TYW1: variants seen among roughly 807,000 people sequenced by gnomAD.
TYW1 encodes the protein tRNA-yW synthesizing protein 1 homolog, also known as S-adenosyl-L-methionine-dependent tRNA 4-demethylwyosine synthase TYW1.
TYW1 carries 46 observed loss-of-function variants against 96.2 expected under a neutral mutation model. That is an observed-to-expected ratio of 0.48 (90% CI 0.38 to 0.61). The LOEUF (loss-of-function observed/expected upper bound fraction) is 0.61. Ranked by LOEUF, TYW1 falls within the 20% of genes least tolerant of loss-of-function variation. The pLI is 0.00. For missense variants in TYW1, 684 were observed against 909.6 expected (o/e 0.75, Z 3.19); for synonymous variants, 274 against 323.0 (o/e 0.85, Z 1.63).
At chr7:67,002,037 CAA>C (rs71526592) in intron 3 of TYW1, among the ~76,000 whole-genome samples, 6 of 131,110 alleles carry the variant, frequency 4.6e-5, no homozygotes, top group Admixed American at 1.6e-4. Context: ...CTGTCTCAAA[CAA>C]AAAAAAAAAA....
intron 8 of TYW1, among the ~76,000 whole-genome samples, chr7:67,055,383 G>A (rs527301802): frequency 2.0e-5 from 3 of 152,142 alleles, no homozygotes; most frequent in Admixed American, 6.5e-5. Context: ...GATCACTTGA[G>A]GACAGGAGTT....
At chr7:67,114,085 A>G (rs1717669563) in intron 12 of TYW1, among the ~76,000 whole-genome samples, 1 of 152,252 alleles carries the variant, frequency 6.6e-6, no homozygotes, top group Non-Finnish European at 1.5e-5. Flanking sequence ...TAAAGCACAC[A>G]GCAGAGTGTG....
chr7:67,139,934 G>C (rs1429033474), intron 13 of TYW1, among the ~76,000 whole-genome samples: 2 of 152,090 alleles, frequency 1.3e-5, no homozygotes, highest in Admixed American at 1.3e-4. Context: ...TCATGCTGCT[G>C]ATAAAGACAC....
chr7:67,077,923 A>G lies in TYW1; in HGVS notation c.1275-5507A>G, dbSNP rs1421273671. The stretch of plus-strand genomic sequence containing the variant: ...ATCTGTCTTGAGTTGATTTTTGTAT[A>G]TTGTCTTTCCCCACTGCATGACCTT... On this transcript the variant is annotated intron_variant, in intron 10 of 15. Coordinates refer to ENST00000359626, the MANE Select transcript of TYW1 (RefSeq NM_018264.4). Among the ~76,000 whole-genome samples, 6 of 151,926 alleles carry G rather than the reference A, an allele frequency of 3.9e-5. No homozygotes were observed. The South Asian group carries it at 1.0e-3, about 26-fold the overall frequency.
chr7:67,107,729 C>G (rs1341764516), intron 12 of TYW1, among the ~76,000 whole-genome samples: 1 of 143,072 alleles, frequency 7.0e-6, no homozygotes, highest in East Asian at 2.0e-4. Flanking sequence ...ATAAGATTGA[C>G]TTTTTTTTTT....
At chr7:67,059,157 T>C (rs1427446940) in intron 9 of TYW1, among the ~76,000 whole-genome samples, 2 of 148,852 alleles carry the variant, frequency 1.3e-5, no homozygotes, top group Non-Finnish European at 3.0e-5. Flanking sequence ...TGGAGTGCAG[T>C]GGTGTGATCT....
intron 15 of TYW1, among the ~76,000 whole-genome samples, chr7:67,217,594 C>A (rs928955773): frequency 2.0e-5 from 3 of 152,108 alleles, no homozygotes; most frequent in African/African-American, 4.8e-5. Context: ...GCTCTCTATT[C>A]CATTGTTCTA....
Position 67,153,925 on chromosome 7 carries a change from CTTTTTTTTT to C in TYW1, c.1699-29189_1699-29181del, listed in dbSNP as rs34003922. Among the ~76,000 whole-genome samples, 4 of 130,314 alleles carry C rather than the reference CTTTTTTTTT, an allele frequency of 3.1e-5. No individual in the cohort carries two copies. The South Asian group carries it at 9.5e-4, about 31-fold the overall frequency. The allele number at this position is 130,314 out of a possible 152,430, so 85.5% of individuals were successfully genotyped here. A position where few individuals can be genotyped will look rare whatever the true frequency, so the allele number is the denominator to read the frequency against. ...ATATGTCATTCATTTTAACGACTTT[CTTTTTTTTT>C]TTTTTTTTTTTGAGACGGAGTCTCG... On this transcript the variant is annotated intron_variant, in intron 13 of 15. Coordinates refer to ENST00000359626, the MANE Select transcript of TYW1 (RefSeq NM_018264.4).
At chr7:67,025,667 C>A (rs957627804) in intron 7 of TYW1, among the ~76,000 whole-genome samples, 1 of 152,004 alleles carries the variant, frequency 6.6e-6, no homozygotes, top group African/African-American at 2.4e-5. Flanking sequence ...CAGGAAATAC[C>A]AATCTGGGAT....
intron 15 of TYW1, among the ~76,000 whole-genome samples, chr7:67,222,287 A>G (rs942276973): frequency 6.6e-6 from 1 of 152,230 alleles, no homozygotes; most frequent in Admixed American, 6.5e-5. Flanking sequence ...TACCTTTACT[A>G]TGATCTTTAC....
intron 13 of TYW1, among the ~76,000 whole-genome samples, chr7:67,166,552 A>G (rs1799337845): frequency 6.6e-6 from 1 of 151,446 alleles, no homozygotes; most frequent in Non-Finnish European, 1.5e-5. Context: ...CCTCTCTAAA[A>G]ATAATTGCTA....
Position 67,238,678 on chromosome 7 carries a change from G to T in TYW1, c.*149G>T. 1 of 1,442,746 alleles carries T rather than the reference G, an allele frequency of 6.9e-7. No homozygotes were observed. The highest frequency in any genetic ancestry group is 9.1e-7 in the Non-Finnish European group (1 of 1,095,448). The allele number at this position is 1,442,746 out of a possible 1,614,324, so 89.4% of individuals were successfully genotyped here. A position where few individuals can be genotyped will look rare whatever the true frequency, so the allele number is the denominator to read the frequency against. On this transcript the variant is annotated 3_prime_UTR_variant, in exon 16 of 16. Transcript: ENST00000359626. ...AGGCAGTAAACATGGAGACACGGGGGACAGCGTCCACACTCAGAGGGCCTG... is the reference window on the plus strand; with the variant it reads ...AGGCAGTAAACATGGAGACACGGGGTACAGCGTCCACACTCAGAGGGCCTG...
intron 9 of TYW1, among the ~76,000 whole-genome samples, chr7:67,062,476 A>G (rs569526740): frequency 6.6e-6 from 1 of 150,940 alleles, no homozygotes; most frequent in Non-Finnish European, 1.5e-5. Context: ...CTGATTGCAG[A>G]TGTTTTCTGC....
chr7:67,023,436 C>A (rs1794346331), intron 6 of TYW1, among the ~76,000 whole-genome samples: 1 of 152,054 alleles, frequency 6.6e-6, no homozygotes, highest in African/African-American at 2.4e-5. Context: ...TGAGAAAGTA[C>A]CTGCTGTTGA....
intron 11 of TYW1, among the ~76,000 whole-genome samples, chr7:67,096,468 C>T (rs1289015577): frequency 6.6e-6 from 1 of 152,080 alleles, no homozygotes; most frequent in Non-Finnish European, 1.5e-5. Context: ...TCCCCTAGGC[C>T]CAAGCTCCAT....
chr7:67,071,509 G>A (rs1262336764), intron 10 of TYW1, among the ~76,000 whole-genome samples: 1 of 151,348 alleles, frequency 6.6e-6, no homozygotes, highest in Admixed American at 6.6e-5. Flanking sequence ...CTGTAGTACA[G>A]TGGTGGAATC....
intron 13 of TYW1, among the ~76,000 whole-genome samples, chr7:67,166,543 CTCT>C (rs1159432960): frequency 5.0e-5 from 4 of 80,292 alleles, no homozygotes; most frequent in South Asian, 4.2e-4. Context: ...AGCCCCTCCC[CTCT>C]CTAAAAATAA....
At chr7:67,215,732 A>G (rs1331647248) in intron 15 of TYW1, among the ~76,000 whole-genome samples, 1 of 152,102 alleles carries the variant, frequency 6.6e-6, no homozygotes, top group Non-Finnish European at 1.5e-5. Context: ...CAAGCTGAGG[A>G]GCAAGGAGAG....
intron 7 of TYW1, among the ~76,000 whole-genome samples, chr7:67,038,017 C>T (rs779269897): frequency 1.2e-4 from 19 of 152,066 alleles, no homozygotes; most frequent in African/African-American, 3.9e-4. Context: ...AGGAAATGCT[C>T]GGGCCGAGCT....
Sources: gnomAD v4.1 joint callset for allele counts (sites outside exome capture counted in the v4.1 genomes callset) on GRCh38, gnomAD v4.1.1 for gene constraint, MANE v1.5 for transcripts, NCBI Gene and HGNC (gene_info 2026-07-23, HGNC 2026-07-21) for gene names.